Variants in ADARB2 observed in about 807,000 individuals in gnomAD.
ADARB2 encodes inactive double-stranded RNA-specific editase B2.
A neutral mutation model predicts 62.2 loss-of-function variants in ADARB2; 25 were observed. The ratio of observed to expected loss-of-function variants is 0.40; its 90% CI spans 0.29 to 0.56. ADARB2 has a LOEUF of 0.56. ADARB2 is among the 20% of genes least tolerant of loss of function. The probability of loss-of-function intolerance (pLI) is 0.43; values close to 1 mark genes in which losing one functional copy is unlikely to be tolerated. For missense variants in ADARB2, 1,071 were observed against 1,077.4 expected, an observed-to-expected ratio of 0.99 and a Z score of 0.08; for synonymous variants, 572 against 500.8, an observed-to-expected ratio of 1.14 and a Z score of -1.90.
chr10:1,535,628 C>A (rs1408757110), intron 1 of ADARB2: 1 of 167,618 alleles, frequency 6.0e-6, no homozygotes, highest in Non-Finnish European at 1.5e-5. Flanking sequence ...CCGGGCCATC[C>A]ATTTATCCTG....
At chr10:1,685,116 AATGAAGCCAGATTCTCTTT>A (rs1834582943) in intron 1 of ADARB2, among the ~76,000 whole-genome samples, 5 of 152,198 alleles carry the variant, frequency 3.3e-5, no homozygotes, top group African/African-American at 1.2e-4. Context: ...CAGTTTAAGG[AATGAAGCCAGATTCTCTTT>A]CTATGAGCAG....
At chr10:1,513,688 C>A (rs1057267522) in intron 1 of ADARB2, among the ~76,000 whole-genome samples, 1 of 152,108 alleles carries the variant, frequency 6.6e-6, no homozygotes. Flanking sequence ...AGAAGCTCAG[C>A]GCCTGTGTGG....
chr10:1,302,388 G>T (rs1015127802), intron 3 of ADARB2, among the ~76,000 whole-genome samples: 5 of 152,328 alleles, frequency 3.3e-5, no homozygotes, highest in Admixed American at 3.3e-4. Context: ...ACCCCACGGA[G>T]TCTCGCTGAT....
chr10:1,363,818 G>A lies in ADARB2; in HGVS notation c.287C>T (p.Ala96Val). The change falls in exon 3 of 10, where the codon GCG (alanine) becomes GTG (valine). Residue 96 changes from alanine to valine, a missense_variant. Transcript: ENST00000381312. Reference protein sequence around the residue: ...GDRARGGAPGAKRKRPLEEGN... With the variant: ...GDRARGGAPGVKRKRPLEEGN... The stretch of plus-strand genomic sequence containing the variant: ...CTCCTCCAGCGGCCGCTTCCTCTTC[G>A]CGCCGGGCGCGCCGCCCCGGGCCCG... 2 of 1,578,698 alleles carry A rather than the reference G, an allele frequency of 1.3e-6. No homozygotes were observed. Among genetic ancestry groups the A allele is most frequent in the South Asian group, 1.1e-5 (1 of 88,454 alleles).
Position 1,398,474 on chromosome 10 carries a change from T to TC in ADARB2, c.101-19315dup, listed in dbSNP as rs1365707486. Among the ~76,000 whole-genome samples, 2 of 152,184 alleles carry TC rather than the reference T, an allele frequency of 1.3e-5. No homozygotes were observed. Among genetic ancestry groups the TC allele is most frequent in the African/African-American group, 4.8e-5 (2 of 41,450 alleles). ...ACTCGCTCCTGTTTTTCAGGGCCCCTCCTCTCCCTGTGGAGCTCCAGTGAA... is the reference window on the plus strand; with the variant it reads ...ACTCGCTCCTGTTTTTCAGGGCCCCTCCCTCTCCCTGTGGAGCTCCAGTGAA... On this transcript the variant is annotated intron_variant, in intron 1 of 9. Transcript: ENST00000381312. The surrounding 1 kb of genome is among the most constrained non-coding windows in gnomAD (Gnocchi z 4.1).
chr10:1,705,342 C>T (rs930727869), intron 1 of ADARB2, among the ~76,000 whole-genome samples: 36 of 152,010 alleles, frequency 2.4e-4, no homozygotes, highest in African/African-American at 7.3e-4. Context: ...GAAGAGTGGC[C>T]GGTATGATGG....
intron 6 of ADARB2, among the ~76,000 whole-genome samples, chr10:1,222,691 G>T (rs1004096342): frequency 4.0e-5 from 6 of 149,442 alleles, no homozygotes; most frequent in Non-Finnish European, 5.9e-5. Context: ...CCCATTGCTT[G>T]TTTTTGTCAG....
intron 1 of ADARB2, among the ~76,000 whole-genome samples, chr10:1,733,445 CAGAT>C (rs780716627): frequency 2.6e-5 from 4 of 152,152 alleles, no homozygotes; most frequent in African/African-American, 2.4e-5. Context: ...GAGAGAAAAA[CAGAT>C]AGACAAAGCA....
intron 3 of ADARB2, among the ~76,000 whole-genome samples, chr10:1,305,473 A>G (rs981429312): frequency 6.6e-6 from 1 of 151,784 alleles, no homozygotes; most frequent in Admixed American, 6.6e-5. Context: ...TACCAGAGGT[A>G]CAAGGAGGAA....
intron 4 of ADARB2, among the ~76,000 whole-genome samples, chr10:1,250,005 G>C (rs1005635435): frequency 7.3e-6 from 1 of 136,526 alleles, no homozygotes; most frequent in African/African-American, 2.5e-5. Context: ...TAAGTTTAAC[G>C]AGAAATGACC....
At chr10:1,279,726 G>A (rs34794123) in intron 3 of ADARB2, among the ~76,000 whole-genome samples, 37,474 of 152,086 alleles carry the variant, frequency 0.25, 5,784 homozygotes, top group South Asian at 0.49. Flanking sequence ...CTTGGGCCCT[G>A]CCATCCTTTC....
In ADARB2 at chr10:1,224,419, A is replaced by C. The variant is rs544393847; in HGVS notation, c.1514-7300T>G. On this transcript the variant is annotated intron_variant, in intron 6 of 9. Coordinates refer to ENST00000381312, the MANE Select transcript of ADARB2 (RefSeq NM_018702.4). ...TTTTTGAAGGGTTTTTTGTGTCTCT[A>C]TTTCCTTCAGTTCTGCTCTGATTTT... Among the ~76,000 whole-genome samples the C allele has an allele frequency of 6.5e-3, 982 of 151,620 alleles. 11 individuals are homozygous for C. The highest frequency in any genetic ancestry group is 0.022 in the African/African-American group (925 of 41,324).
intron 1 of ADARB2, among the ~76,000 whole-genome samples, chr10:1,395,364 C>G (rs1832602270): frequency 6.6e-6 from 1 of 152,202 alleles, no homozygotes; most frequent in South Asian, 2.1e-4. Context: ...CTGGGACTCT[C>G]CGACGGTCCT....
chr10:1,457,261 G>A (rs1288501030), intron 1 of ADARB2, among the ~76,000 whole-genome samples: 1 of 152,230 alleles, frequency 6.6e-6, no homozygotes, highest in Non-Finnish European at 1.5e-5. Context: ...GGAGTGGTGA[G>A]CATGAGGGCT....
In ADARB2 at chr10:1,494,559, T is replaced by C. The variant is rs1831664624; in HGVS notation, c.101-115399A>G. Among the ~76,000 whole-genome samples the C allele has an allele frequency of 5.3e-5, 8 of 152,214 alleles. 1 individual carries two copies. The South Asian group carries it at 1.2e-3, about 24-fold the overall frequency. ...TAACCCACACAATAGATTAAAAGCC[T>C]GTTAAATGTTATTTTCAGCTTGGCA... On this transcript the variant is annotated intron_variant, in intron 1 of 9. Transcript: ENST00000381312.
chr10:1,459,085 T>C (rs1831134412), intron 1 of ADARB2, among the ~76,000 whole-genome samples: 1 of 152,180 alleles, frequency 6.6e-6, no homozygotes, highest in Non-Finnish European at 1.5e-5. Context: ...ATTTAAACAC[T>C]GTGGGTGGGA....
chr10:1,301,193 A>T (rs1831569390), intron 3 of ADARB2, among the ~76,000 whole-genome samples: 1 of 152,242 alleles, frequency 6.6e-6, no homozygotes, highest in Non-Finnish European at 1.5e-5. Flanking sequence ...ACAGGTCCAC[A>T]CGGTTATGGA....
intron 7 of ADARB2, among the ~76,000 whole-genome samples, chr10:1,204,218 A>G (rs917818067): frequency 3.9e-5 from 6 of 152,122 alleles, no homozygotes; most frequent in Non-Finnish European, 7.4e-5. Flanking sequence ...CCCCATTTCC[A>G]GGCCACTCAG....
At chr10:1,560,774 G>A (rs1044899428) in intron 1 of ADARB2, among the ~76,000 whole-genome samples, 4 of 152,220 alleles carry the variant, frequency 2.6e-5, no homozygotes, top group Admixed American at 6.5e-5. Flanking sequence ...ACTTGTGGAC[G>A]GTCATCTGTC....
Sources: gnomAD v4.1 joint callset for allele counts (sites outside exome capture counted in the v4.1 genomes callset) on GRCh38, gnomAD v4.1.1 for gene constraint, Gnocchi (gnomAD v3.1) non-coding constraint, MANE v1.5 for transcripts, NCBI Gene and HGNC (gene_info 2026-07-23, HGNC 2026-07-21) for gene names.